The following SLC41A3 variants were observed in gnomAD, a reference collection of about 807,000 sequenced individuals.
The protein encoded by SLC41A3 is SLC41A1-like 2.
A neutral mutation model predicts 45.4 loss-of-function variants in SLC41A3; 44 were observed. That is an observed-to-expected ratio of 0.97 (90% confidence interval 0.76 to 1.25). The LOEUF is 1.25. SLC41A3 is among the 50% of genes most tolerant of loss of function. The probability of loss-of-function intolerance (pLI) is 0.00; values close to 1 mark genes in which losing one functional copy is unlikely to be tolerated. For missense variants in SLC41A3, 550 were observed against 600.6 expected (o/e 0.92, Z 0.88); for synonymous variants, 256 against 252.4 (o/e 1.01, Z -0.13).
At chr3:126,060,848 C>A (rs1258772430) in intron 2 of SLC41A3, among the ~76,000 whole-genome samples, 1 of 152,206 alleles carries the variant, frequency 6.6e-6, no homozygotes, top group Non-Finnish European at 1.5e-5. Context: ...TCCAACCCAC[C>A]CCACAGCCCA....
At chr3:126,033,962 CGGTACACACACA>C (rs1941999086) in intron 3 of SLC41A3, among the ~76,000 whole-genome samples, 2 of 151,854 alleles carry the variant, frequency 1.3e-5, no homozygotes, top group Admixed American at 1.3e-4. Context: ...ACACACACAG[CGGTACACACACA>C]GGCACACACA....
chr3:126,078,810 T>TTTCTC (rs1346782521), intron 1 of SLC41A3, among the ~76,000 whole-genome samples: 1 of 152,064 alleles, frequency 6.6e-6, no homozygotes, highest in Non-Finnish European at 1.5e-5. Flanking sequence ...GCCTCCTCAG[T>TTTCTC]TTCTCCCCTC....
At chr3:126,042,898 T>A (rs1942687004) in intron 3 of SLC41A3, among the ~76,000 whole-genome samples, 1 of 151,784 alleles carries the variant, frequency 6.6e-6, no homozygotes, top group Admixed American at 6.6e-5. Context: ...TAAAACTTAA[T>A]GGAATTACAG....
chr3:126,088,531 G>A (rs1456234005), upstream of SLC41A3, among the ~76,000 whole-genome samples: 1 of 152,110 alleles, frequency 6.6e-6, no homozygotes, highest in Non-Finnish European at 1.5e-5. Context: ...GATTTTGCCA[G>A]AAAAGGAAAG....
chr3:126,007,488 C>T (rs1939222829), intron 10 of SLC41A3, among the ~76,000 whole-genome samples: 1 of 152,166 alleles, frequency 6.6e-6, no homozygotes, highest in Admixed American at 6.5e-5. Context: ...AGACCCACTG[C>T]CACTCACCAG....
In SLC41A3 at chr3:126,006,378, T is replaced by G; in HGVS notation, c.*638A>C. 1 of 1,596,204 alleles carries G rather than the reference T, an allele frequency of 6.3e-7. No homozygotes were observed. Among genetic ancestry groups the G allele is most frequent in the Non-Finnish European group, 8.5e-7 (1 of 1,169,616 alleles). ...AGGGTCAAGTACAATATAATCTGTTTTATTTTACACTTCTCTGATTATTGA... is the reference window on the plus strand; with the variant it reads ...AGGGTCAAGTACAATATAATCTGTTGTATTTTACACTTCTCTGATTATTGA... On this transcript the variant is annotated 3_prime_UTR_variant, in exon 11 of 11. Transcript: ENST00000360370.
chr3:126,010,587 C>T (rs1939605412), intron 9 of SLC41A3, among the ~76,000 whole-genome samples: 4 of 152,230 alleles, frequency 2.6e-5, no homozygotes, highest in Admixed American at 6.5e-5. Flanking sequence ...TCTATTCCAA[C>T]AAACACCACA....
At chr3:126,028,441 G>A (rs962968093) in intron 4 of SLC41A3, among the ~76,000 whole-genome samples, 4 of 152,260 alleles carry the variant, frequency 2.6e-5, no homozygotes, top group Non-Finnish European at 2.9e-5. Context: ...TTATGCCTGC[G>A]GTTGCACAGA....
chr3:126,094,223 T>G (rs1410943215), intron 1 of SLC41A3, among the ~76,000 whole-genome samples: 1 of 152,162 alleles, frequency 6.6e-6, no homozygotes, highest in Non-Finnish European at 1.5e-5. Flanking sequence ...TTTGCAAGAT[T>G]TGAAAGAACT....
chr3:126,073,504 G>A (rs1318915949), intron 1 of SLC41A3, among the ~76,000 whole-genome samples: 3 of 152,100 alleles, frequency 2.0e-5, no homozygotes, highest in South Asian at 4.2e-4. Flanking sequence ...TATTACCTGG[G>A]TGACAAAATC....
intron 6 of SLC41A3, among the ~76,000 whole-genome samples, chr3:126,021,693 C>T (rs1940897952): frequency 6.6e-6 from 1 of 152,148 alleles, no homozygotes; most frequent in African/African-American, 2.4e-5. Context: ...TGGGGGCCCT[C>T]TCTCCTGCCC....
At chr3:126,020,955 C>T (rs113980913) in intron 6 of SLC41A3, among the ~76,000 whole-genome samples, 3,374 of 151,478 alleles carry the variant, frequency 0.022, 114 homozygotes, top group East Asian at 0.16. Flanking sequence ...AGTACAGTGG[C>T]GCTATCCCGG....
chr3:126,050,980 T>C lies in SLC41A3; in HGVS notation c.344A>G (p.Asn115Ser). Residue 115 changes from asparagine to serine, a missense_variant, in exon 3 of 11, where the codon AAC becomes AGC. Coordinates refer to ENST00000360370, the MANE Select transcript of SLC41A3 (RefSeq NM_017836.4). ...LVPPLVGLKG[N>S]LEMTLASRLS... The stretch of plus-strand genomic sequence containing the variant: ...TCTGGATGCCAGTGTCATCTCCAGG[T>C]TCCCCTTCAGGCCCACCAGGGGCGG... The C allele has an allele frequency of 6.2e-7, 1 of 1,612,878 alleles. No homozygotes were observed. Among genetic ancestry groups the C allele is most frequent in the Non-Finnish European group, 8.5e-7 (1 of 1,179,436 alleles).
chr3:126,075,412 T>C (rs1035235828), intron 1 of SLC41A3, among the ~76,000 whole-genome samples: 5 of 151,312 alleles, frequency 3.3e-5, no homozygotes, highest in Admixed American at 6.6e-5. Context: ...CCAGGTTTAA[T>C]ACAATCCCTA....
chr3:126,042,159 C>T (rs1942635295), intron 3 of SLC41A3, among the ~76,000 whole-genome samples: 1 of 152,130 alleles, frequency 6.6e-6, no homozygotes, highest in South Asian at 2.1e-4. Context: ...CACAGAGGTG[C>T]CCAACATATT....
At chr3:126,032,263 G>C (rs1347737449) in intron 4 of SLC41A3, among the ~76,000 whole-genome samples, 1 of 152,218 alleles carries the variant, frequency 6.6e-6, no homozygotes, top group African/African-American at 2.4e-5. Flanking sequence ...GTGGCCAGGA[G>C]GAGCTGGAGG....
chr3:126,012,491 G>T (rs1939818319), intron 9 of SLC41A3, 124 bp downstream of exon 9: 1 of 1,265,272 alleles, frequency 7.9e-7, no homozygotes, highest in African/African-American at 1.5e-5. Flanking sequence ...CCCTGAAGGT[G>T]ATGTGTGCCG....
intron 2 of SLC41A3, chr3:126,067,496 G>T: frequency 2.6e-6 from 1 of 378,406 alleles, no homozygotes; most frequent in Non-Finnish European, 5.2e-6. Flanking sequence ...CTGAAGACAC[G>T]GAGAAAAGGC....
At chr3:126,042,716 G>A (rs1262426619) in intron 3 of SLC41A3, among the ~76,000 whole-genome samples, 5 of 151,866 alleles carry the variant, frequency 3.3e-5, no homozygotes, top group Non-Finnish European at 7.4e-5. Context: ...CATAAAAAAA[G>A]AACCAAACAG....
Sources: allele counts gnomAD v4.1 joint callset (sites outside exome capture counted in the v4.1 genomes callset), GRCh38; gene constraint gnomAD v4.1.1; transcripts MANE v1.5; gene names NCBI Gene and HGNC (gene_info 2026-07-23, HGNC 2026-07-21).